The following KCNH1 variants were observed in gnomAD, a reference collection of about 807,000 sequenced individuals.
KCNH1 encodes the protein voltage-gated delayed rectifier potassium channel KCNH1.
A neutral mutation model predicts 69.2 loss-of-function variants in KCNH1; 27 were observed. That is an observed-to-expected ratio of 0.39 (90% CI 0.29 to 0.54). The LOEUF (loss-of-function observed/expected upper bound fraction) is 0.54, where lower values mean the gene tolerates loss of function less well. Ranked by LOEUF, KCNH1 falls within the 20% of genes least tolerant of loss-of-function variation. KCNH1 has a pLI of 0.68. For synonymous variants in KCNH1, 456 were observed against 487.7 expected, an observed-to-expected ratio of 0.93 and a Z score of 0.86; for missense variants, 798 against 1,261.6, an observed-to-expected ratio of 0.63 and a Z score of 5.57.
chr1:210,722,320 T>C (rs1358303451), intron 10 of KCNH1, among the ~76,000 whole-genome samples: 1 of 152,190 alleles, frequency 6.6e-6, no homozygotes, highest in African/African-American at 2.4e-5. Context: ...TGTGTGCTTA[T>C]ATAGTGCTTA....
intron 7 of KCNH1, among the ~76,000 whole-genome samples, chr1:210,887,722 C>CAAAAAAAAA (rs35066964): frequency 1.8e-5 from 1 of 55,064 alleles, no homozygotes; most frequent in Non-Finnish European, 3.2e-5. Context: ...AATGGAAAGC[C>CAAAAAAAAA]AAAAAAAAAA....
intron 7 of KCNH1, chr1:210,858,903 G>C (rs748794199): frequency 1.2e-5 from 4 of 326,414 alleles, no homozygotes; most frequent in Non-Finnish European, 2.3e-5. Context: ...AAGCTTCAGA[G>C]TCAGGATCTT....
intron 9 of KCNH1, among the ~76,000 whole-genome samples, chr1:210,781,298 G>A (rs1175174585): frequency 8.6e-5 from 13 of 152,014 alleles, no homozygotes; most frequent in South Asian, 2.1e-4. Context: ...CTCTGTTGGC[G>A]GCTTCTCTGG....
intron 5 of KCNH1, among the ~76,000 whole-genome samples, chr1:211,058,180 T>C (rs1690349749): frequency 6.6e-6 from 1 of 152,150 alleles, no homozygotes; most frequent in African/African-American, 2.4e-5. Flanking sequence ...AAGAATGTCA[T>C]CAACACCAGG....
chr1:210,837,497 A>G (rs908137909), intron 7 of KCNH1, among the ~76,000 whole-genome samples: 27 of 152,216 alleles, frequency 1.8e-4, no homozygotes, highest in African/African-American at 6.5e-4. Flanking sequence ...CGACCTGAAG[A>G]TCCATGACAA....
chr1:210,809,219 A>G (rs1011125338), intron 7 of KCNH1, among the ~76,000 whole-genome samples: 1 of 152,130 alleles, frequency 6.6e-6, no homozygotes, highest in African/African-American at 2.4e-5. Context: ...ATCTTTATCA[A>G]TTTCATTTTC....
rs957518627 is a variant in KCNH1 at position 210,680,998 on chromosome 1, T to C, written c.*2283A>G. 1 of 152,120 alleles carries C rather than the reference T, an allele frequency of 6.6e-6. No individual in the cohort carries two copies. The highest frequency in any genetic ancestry group is 1.5e-5 in the Non-Finnish European group (1 of 68,028). 9.4% of individuals were successfully genotyped at this position (152,120 alleles called of 1,614,324 possible). A position where few individuals can be genotyped will look rare whatever the true frequency, so the allele number is the denominator to read the frequency against. On this transcript the variant is annotated 3_prime_UTR_variant, in exon 11 of 11. Coordinates refer to ENST00000271751, the MANE Select transcript of KCNH1 (RefSeq NM_172362.3). The stretch of plus-strand genomic sequence containing the variant: ...TGGCAGGGCCTCTTGACATTGACCG[T>C]TGGGTGCCAGACAAGAAGCCTGTCA...
At chr1:211,099,776 C>A (rs1267923606) in intron 3 of KCNH1, among the ~76,000 whole-genome samples, 1 of 152,224 alleles carries the variant, frequency 6.6e-6, no homozygotes, top group Non-Finnish European at 1.5e-5. Context: ...GAGTTCCTGA[C>A]TGGAACGCAG....
At chr1:210,871,961 G>A (rs1686258205) in intron 7 of KCNH1, among the ~76,000 whole-genome samples, 1 of 150,876 alleles carries the variant, frequency 6.6e-6, no homozygotes, top group Admixed American at 6.6e-5. Context: ...TAGAGGACGA[G>A]TTAGTGGGTG....
Position 211,115,709 on chromosome 1 carries a change from ATATATATG to A in KCNH1, c.80-8340_80-8333del, listed in dbSNP as rs199970309. 8.9e-4 allele frequency among the ~76,000 whole-genome samples: 71 copies of A among 79,632 alleles called. 3 individuals are homozygous for A. Among genetic ancestry groups the A allele is most frequent in the Middle Eastern group, 0.012 (2 of 166 alleles). The allele number at this position is 79,632 out of a possible 152,430, so 52.2% of individuals were successfully genotyped here. On this transcript the variant is annotated intron_variant, in intron 1 of 10. Coordinates refer to ENST00000271751, the MANE Select transcript of KCNH1 (RefSeq NM_172362.3). Reference sequence around the variant, plus strand: ...ATACTTAATAAACTCCCCTATATATATATATATGTATATATATATATACACACACACAC... The same window carrying A: ...ATACTTAATAAACTCCCCTATATATATATATATATATATACACACACACAC...
intron 6 of KCNH1, among the ~76,000 whole-genome samples, chr1:210,938,573 C>T (rs1276353063): frequency 6.6e-6 from 1 of 152,072 alleles, no homozygotes; most frequent in Non-Finnish European, 1.5e-5. Flanking sequence ...CCTTGGCAGC[C>T]TCATCTCTCA....
chr1:211,127,819 G>A (rs1438889878), intron 1 of KCNH1, among the ~76,000 whole-genome samples: 1 of 152,154 alleles, frequency 6.6e-6, no homozygotes, highest in Non-Finnish European at 1.5e-5. Context: ...ATCTACCACA[G>A]TTAAACATGT....
intron 1 of KCNH1, among the ~76,000 whole-genome samples, chr1:211,124,595 G>A (rs1355145791): frequency 6.6e-6 from 1 of 152,064 alleles, no homozygotes; most frequent in Non-Finnish European, 1.5e-5. Context: ...CCAGCCTGGC[G>A]ACAGAGCAAG....
chr1:210,966,114 AC>A (rs1256228830), intron 6 of KCNH1, among the ~76,000 whole-genome samples: 1 of 152,202 alleles, frequency 6.6e-6, no homozygotes, highest in Non-Finnish European at 1.5e-5. Context: ...GACAAACCTG[AC>A]AAAAACAAGA....
intron 10 of KCNH1, among the ~76,000 whole-genome samples, chr1:210,738,397 G>A (rs1682929395): frequency 6.6e-6 from 1 of 152,092 alleles, no homozygotes; most frequent in African/African-American, 2.4e-5. Flanking sequence ...ATGAGAAAAT[G>A]TAGCTAAAGC....
At chr1:210,819,373 T>C (rs188176369) in intron 7 of KCNH1, among the ~76,000 whole-genome samples, 1 of 152,236 alleles carries the variant, frequency 6.6e-6, no homozygotes, top group East Asian at 1.9e-4. Flanking sequence ...GAAAGGTCAT[T>C]ATTCTTCAGG....
chr1:211,084,646 T>C (rs1690920670), intron 4 of KCNH1, among the ~76,000 whole-genome samples: 1 of 151,912 alleles, frequency 6.6e-6, no homozygotes, highest in South Asian at 2.1e-4. Context: ...GGTGAGTGGG[T>C]GTTGAAAAGG....
At chr1:210,850,379 C>T (rs552413592) in intron 7 of KCNH1, among the ~76,000 whole-genome samples, 3 of 151,982 alleles carry the variant, frequency 2.0e-5, no homozygotes, top group African/African-American at 2.4e-5. Flanking sequence ...GGCGTGGTGG[C>T]GCGCACCTGT....
chr1:210,909,438 A>G lies in KCNH1; in HGVS notation c.1462+10202T>C, dbSNP rs536048351. On this transcript the variant is annotated intron_variant, in intron 7 of 10. Transcript: ENST00000271751. The stretch of plus-strand genomic sequence containing the variant: ...TTAAAGAATGGCATTAACATCAACT[A>G]GCAGGCCATCTGTGGCCCTGGAGTG... 1.3e-4 allele frequency among the ~76,000 whole-genome samples: 20 copies of G among 152,388 alleles called. No individual in the cohort carries two copies. The South Asian group carries it at 4.1e-3, about 32-fold the overall frequency.
Sources: gnomAD v4.1 joint callset for allele counts (sites outside exome capture counted in the v4.1 genomes callset) on GRCh38, gnomAD v4.1.1 for gene constraint, MANE v1.5 for transcripts, NCBI Gene and HGNC (gene_info 2026-07-23, HGNC 2026-07-21) for gene names.